MCTP2: variants seen among roughly 807,000 people sequenced by gnomAD.
The protein encoded by MCTP2 is multiple C2 and transmembrane domain containing 2.
In MCTP2, 132 loss-of-function variants were observed where a neutral mutation model predicts 111.6. The observed-to-expected ratio is 1.18, with a 90% CI of 1.03 to 1.37. The LOEUF (loss-of-function observed/expected upper bound fraction) is 1.37. Among genes scored for constraint, MCTP2 ranks in the 40% most tolerant of loss-of-function variants. The pLI, the probability that MCTP2 is intolerant of heterozygous loss-of-function variation, is 0.00. For missense variants in MCTP2, 1,183 were observed against 1,067.9 expected (o/e 1.11, Z -1.50); for synonymous variants, 395 against 387.7 (o/e 1.02, Z -0.22).
At chr15:94,451,382 C>T (rs1393681716) in intron 19 of MCTP2, among the ~76,000 whole-genome samples, 1 of 152,194 alleles carries the variant, frequency 6.6e-6, no homozygotes, top group African/African-American at 2.4e-5. Context: ...AAAGTAGACC[C>T]CTAAAGCATG....
At chr15:94,451,779 C>T (rs959347151) in intron 19 of MCTP2, among the ~76,000 whole-genome samples, 3 of 152,294 alleles carry the variant, frequency 2.0e-5, no homozygotes, top group Non-Finnish European at 4.4e-5. Flanking sequence ...ATCTTTCATA[C>T]AACTCAGGGC....
intron 17 of MCTP2, among the ~76,000 whole-genome samples, chr15:94,432,039 C>T (rs2083212672): frequency 6.6e-6 from 1 of 152,072 alleles, no homozygotes; most frequent in Admixed American, 6.6e-5. Flanking sequence ...AGCTTCTAGC[C>T]CTCTTAAGTA....
At chr15:94,375,162 G>A (rs1188708589) in intron 12 of MCTP2, among the ~76,000 whole-genome samples, 1 of 152,076 alleles carries the variant, frequency 6.6e-6, no homozygotes, top group Non-Finnish European at 1.5e-5. Flanking sequence ...GCAGGAGCAG[G>A]ACCAATGGAT....
chr15:94,391,868 A>G (rs1401894061), intron 14 of MCTP2, among the ~76,000 whole-genome samples: 1 of 152,202 alleles, frequency 6.6e-6, no homozygotes, highest in Non-Finnish European at 1.5e-5. Context: ...CACACGTGGT[A>G]GATGTTAAAT....
intron 1 of MCTP2, among the ~76,000 whole-genome samples, chr15:94,243,973 GTA>G (rs2071422756): frequency 6.9e-6 from 1 of 144,462 alleles, no homozygotes; most frequent in African/African-American, 2.5e-5. Flanking sequence ...ACACACATAT[GTA>G]TACACATACA....
At chr15:94,471,738 C>T (rs1297568109) in intron 21 of MCTP2, among the ~76,000 whole-genome samples, 2 of 142,730 alleles carry the variant, frequency 1.4e-5, no homozygotes, top group Non-Finnish European at 3.0e-5. Context: ...TTCAGGGCCA[C>T]TGATTAAGAA....
chr15:94,363,622 A>G (rs1342157108), intron 10 of MCTP2, among the ~76,000 whole-genome samples: 2 of 152,176 alleles, frequency 1.3e-5, no homozygotes, highest in Non-Finnish European at 2.9e-5. Flanking sequence ...ACTGGATTCC[A>G]TGTCTTGCAG....
At chr15:94,268,179 TC>T (rs2073685877) in intron 1 of MCTP2, among the ~76,000 whole-genome samples, 1 of 106,714 alleles carries the variant, frequency 9.4e-6, no homozygotes, top group Non-Finnish European at 2.2e-5. Flanking sequence ...ATTCATTCTT[TC>T]TTTCTTTTTT....
chr15:94,266,660 A>G (rs1166502310), intron 1 of MCTP2, among the ~76,000 whole-genome samples: 1 of 152,190 alleles, frequency 6.6e-6, no homozygotes, highest in East Asian at 1.9e-4. Context: ...AGAGAAGGAA[A>G]CGAAGGGTAT....
intron 1 of MCTP2, among the ~76,000 whole-genome samples, chr15:94,236,664 C>G (rs2070590605): frequency 1.3e-5 from 2 of 152,024 alleles, no homozygotes; most frequent in South Asian, 4.2e-4. Flanking sequence ...TGGTTGCCTG[C>G]CTAGTTGTGC....
At chr15:94,456,395 C>T (rs1214453459) in intron 19 of MCTP2, among the ~76,000 whole-genome samples, 1 of 152,172 alleles carries the variant, frequency 6.6e-6, no homozygotes, top group African/African-American at 2.4e-5. Context: ...GAGTCATTTT[C>T]CAAGAAATTG....
chr15:94,314,129 G>T (rs931427346), intron 2 of MCTP2, among the ~76,000 whole-genome samples, 153 bp from the exon 3 acceptor site: 1 of 152,220 alleles, frequency 6.6e-6, no homozygotes, highest in Non-Finnish European at 1.5e-5. Flanking sequence ...CTGCATCCAC[G>T]TCTCCTTGCC....
At chr15:94,316,657 C>T (rs2076391663) in intron 4 of MCTP2, among the ~76,000 whole-genome samples, 1 of 152,162 alleles carries the variant, frequency 6.6e-6, no homozygotes, top group South Asian at 2.1e-4. Context: ...TCAGCATTGA[C>T]ATTAGTTATA....
chr15:94,275,959 C>A (rs751522070), intron 1 of MCTP2, among the ~76,000 whole-genome samples: 17 of 151,490 alleles, frequency 1.1e-4, no homozygotes, highest in African/African-American at 1.7e-4. Flanking sequence ...AGCAATTCTC[C>A]TGCCTCAGCC....
At chr15:94,293,532 A>G (rs1015051369) in intron 1 of MCTP2, among the ~76,000 whole-genome samples, 1 of 152,230 alleles carries the variant, frequency 6.6e-6, no homozygotes, top group Non-Finnish European at 1.5e-5. Context: ...TTATCAACTG[A>G]AAGGACTTGG....
intron 1 of MCTP2, among the ~76,000 whole-genome samples, chr15:94,290,824 T>C (rs1212681420): frequency 6.6e-6 from 1 of 152,254 alleles, no homozygotes; most frequent in Non-Finnish European, 1.5e-5. Context: ...AGACATTACA[T>C]ATTGATTGAA....
chr15:94,428,514 AG>A (rs957182809), intron 17 of MCTP2, among the ~76,000 whole-genome samples: 1 of 152,042 alleles, frequency 6.6e-6, no homozygotes, highest in African/African-American at 2.4e-5. Flanking sequence ...TTTTAGGGGA[AG>A]GGGGGCTTCC....
At chr15:94,477,410 G>C (rs12438830) in intron 22 of MCTP2, among the ~76,000 whole-genome samples, 11,272 of 152,206 alleles carry the variant, frequency 0.074, 499 homozygotes, top group South Asian at 0.1. Flanking sequence ...TGGATACACA[G>C]AGATTAACGA....
intron 19 of MCTP2, among the ~76,000 whole-genome samples, chr15:94,445,619 G>C (rs1184638526): frequency 6.6e-6 from 1 of 152,122 alleles, no homozygotes; most frequent in Non-Finnish European, 1.5e-5. Flanking sequence ...CTCCCACCGA[G>C]GTATGCTTGT....
Sources: allele counts gnomAD v4.1 joint callset (sites outside exome capture counted in the v4.1 genomes callset), GRCh38; gene constraint gnomAD v4.1.1; transcripts MANE v1.5; gene names NCBI Gene and HGNC (gene_info 2026-07-23, HGNC 2026-07-21).